The following CDK17 variants were observed in gnomAD, a reference collection of about 807,000 sequenced individuals.
CDK17 encodes cyclin-dependent kinase 17.
Under a neutral mutation model 77.6 loss-of-function variants are expected in CDK17, and 24 were observed. The observed-to-expected ratio is 0.31, with a 90% CI of 0.22 to 0.44. The LOEUF is 0.44. Ranked by LOEUF, CDK17 falls within the 20% of genes least tolerant of loss-of-function variation. CDK17 has a pLI of 1.00. For synonymous variants in CDK17, 203 were observed against 210.4 expected, an observed-to-expected ratio of 0.96 and a Z score of 0.30; for missense variants, 429 against 622.5, an observed-to-expected ratio of 0.69 and a Z score of 3.31.
intron 1 of CDK17, among the ~76,000 whole-genome samples, chr12:96,379,395 CA>C (rs1297838613): frequency 6.6e-6 from 1 of 151,950 alleles, no homozygotes. Flanking sequence ...TATAGTTAAA[CA>C]AAAGCATCTA....
chr12:96,371,834 T>C (rs1305171173), intron 1 of CDK17, among the ~76,000 whole-genome samples: 1 of 152,252 alleles, frequency 6.6e-6, no homozygotes, highest in Non-Finnish European at 1.5e-5. Context: ...GTATTATGTA[T>C]TGCCTCTTAT....
chr12:96,300,957 A>G (rs1268331203), intron 5 of CDK17, among the ~76,000 whole-genome samples: 1 of 152,212 alleles, frequency 6.6e-6, no homozygotes, highest in African/African-American at 2.4e-5. Flanking sequence ...AAGATACCAC[A>G]GGCATTTTAA....
chr12:96,337,493 C>T (rs955641898), intron 1 of CDK17, among the ~76,000 whole-genome samples: 1 of 152,168 alleles, frequency 6.6e-6, no homozygotes, highest in South Asian at 2.1e-4. Context: ...TAGTCTGTTA[C>T]AAGTTACTCC....
At position 96,286,656 on chromosome 12, in the gene CDK17, T is replaced by G; in HGVS notation, c.1216+8A>C. Reference sequence around the variant, plus strand: ...GCAAAATCACTGGGAAAAGATTTCTTCTGTTACCTAGCAGTCGGAAAATTA... The same window carrying G: ...GCAAAATCACTGGGAAAAGATTTCTGCTGTTACCTAGCAGTCGGAAAATTA... On this transcript the variant is annotated splice_region_variant and intron_variant, in intron 12 of 16. Transcript: ENST00000261211. The G allele has an allele frequency of 1.2e-6, 2 of 1,602,902 alleles. No homozygotes were observed. The highest frequency in any genetic ancestry group is 1.7e-6 in the Non-Finnish European group (2 of 1,170,082).
chr12:96,284,497 G>A (rs1255223732), intron 13 of CDK17: 3 of 150,488 alleles, frequency 2.0e-5, no homozygotes, highest in Non-Finnish European at 4.4e-5. Flanking sequence ...CATCAATAAG[G>A]GATATAAAAC....
rs926852825 is a variant in CDK17 at position 96,400,368 on chromosome 12, G to A, written c.-412C>T. ...GCGGCTCTGCGGCGGCCCGCGGGGA[G>A]CTCAGGAGACTGCGGGCGGCCGCGT... On this transcript the variant is annotated 5_prime_UTR_variant, in exon 1 of 17. Coordinates refer to ENST00000261211, the MANE Select transcript of CDK17 (RefSeq NM_002595.5). 1.0e-5 allele frequency: 4 copies of A among 385,960 alleles called. No homozygotes were observed. Among genetic ancestry groups the A allele is most frequent in the Middle Eastern group, 1.3e-3 (2 of 1,514 alleles). 23.9% of individuals were successfully genotyped at this position (385,960 alleles called of 1,614,324 possible). A position where few individuals can be genotyped will look rare whatever the true frequency, so the allele number is the denominator to read the frequency against.
intron 1 of CDK17, among the ~76,000 whole-genome samples, chr12:96,390,995 G>A (rs1008694483): frequency 6.6e-6 from 1 of 150,382 alleles, no homozygotes; most frequent in Non-Finnish European, 1.5e-5. Context: ...GCTGAGACAG[G>A]AGAATTTACT....
At chr12:96,305,840 CTACT>C (rs1952570089) in intron 5 of CDK17, among the ~76,000 whole-genome samples, 1 of 152,086 alleles carries the variant, frequency 6.6e-6, no homozygotes, top group African/African-American at 2.4e-5. Flanking sequence ...CACCTCCTAC[CTACT>C]GAGTAGCTGG....
intron 1 of CDK17, among the ~76,000 whole-genome samples, chr12:96,336,036 G>T (rs1264923220): frequency 1.3e-5 from 2 of 152,102 alleles, no homozygotes; most frequent in Non-Finnish European, 2.9e-5. Context: ...CTAAGTAACT[G>T]AGTTTACTGA....
chr12:96,340,006 T>G (rs1011350255), intron 1 of CDK17, among the ~76,000 whole-genome samples: 3 of 152,060 alleles, frequency 2.0e-5, no homozygotes, highest in African/African-American at 7.2e-5. Context: ...AAATTAACTC[T>G]GCCTTTTAAA....
rs552653528 is a variant in CDK17, at chr12:96,379,431, A to G, written c.-30+20555T>C. 9.4e-5 allele frequency among the ~76,000 whole-genome samples: 14 copies of G among 148,922 alleles called. No homozygotes were observed. The South Asian group carries it at 3.0e-3, about 32-fold the overall frequency. ...ATCATTTCTATATTTTTTAAATCTA[A>G]TTTTTTTTTTTGAGACAGGGTCTCA... On this transcript the variant is annotated intron_variant, in intron 1 of 16. Transcript: ENST00000261211.
intron 2 of CDK17, among the ~76,000 whole-genome samples, chr12:96,330,905 AACTTTTTG>A (rs1356244206): frequency 6.6e-6 from 1 of 152,154 alleles, no homozygotes; most frequent in Admixed American, 6.6e-5. Context: ...GTCTATGTTT[AACTTTTTG>A]AAGAACTGAG....
chr12:96,345,327 C>T (rs1203220207), intron 1 of CDK17, among the ~76,000 whole-genome samples: 1 of 152,136 alleles, frequency 6.6e-6, no homozygotes. Flanking sequence ...GATTTATATT[C>T]CTTTGGGTAT....
At chr12:96,387,022 A>G in intron 1 of CDK17, 1 of 317,450 alleles carries the variant, frequency 3.2e-6, no homozygotes, top group Non-Finnish European at 6.3e-6. Context: ...TTACTTCCTC[A>G]AATTTGTGTT....
chr12:96,300,373 C>G lies in CDK17; in HGVS notation c.544-13G>C, dbSNP rs769177422. On this transcript the variant is annotated splice_polypyrimidine_tract_variant and intron_variant, in intron 5 of 16. Coordinates refer to ENST00000261211, the MANE Select transcript of CDK17 (RefSeq NM_002595.5). ...AGCCAATTTCTGACTGAAAAGTAAA[C>G]AATGAAAAATGTAGTATTTACTTTT... is the stretch of plus-strand genomic sequence containing the variant. 6.9e-7 allele frequency: 1 copy of G among 1,443,058 alleles called. No individual in the cohort carries two copies. Among genetic ancestry groups the G allele is most frequent in the South Asian group, 1.2e-5 (1 of 81,594 alleles). The allele number at this position is 1,443,058 out of a possible 1,614,324, so 89.4% of individuals were successfully genotyped here.
At chr12:96,344,291 C>T (rs7134589) in intron 1 of CDK17, among the ~76,000 whole-genome samples, 67,532 of 151,896 alleles carry the variant, frequency 0.44, 15,601 homozygotes, top group East Asian at 0.84. Context: ...GAAGAAATAA[C>T]GGTGAAAAGC....
intron 1 of CDK17, among the ~76,000 whole-genome samples, chr12:96,366,817 T>C (rs1367640244): frequency 6.6e-6 from 1 of 152,190 alleles, no homozygotes; most frequent in Non-Finnish European, 1.5e-5. Flanking sequence ...CTCCTAAATA[T>C]CTGGATCTTT....
At chr12:96,316,115 G>A (rs369614219) in intron 3 of CDK17, among the ~76,000 whole-genome samples, 5 of 152,304 alleles carry the variant, frequency 3.3e-5, no homozygotes, top group East Asian at 3.9e-4. Flanking sequence ...TGCACTAGCC[G>A]AAGCAGGGCG....
chr12:96,398,868 A>G (rs754282917), intron 1 of CDK17, among the ~76,000 whole-genome samples: 4 of 152,184 alleles, frequency 2.6e-5, no homozygotes, highest in Non-Finnish European at 1.5e-5. Flanking sequence ...TCTTTGGTGG[A>G]CATATTCATG....
Sources: allele counts gnomAD v4.1 joint callset (sites outside exome capture counted in the v4.1 genomes callset), GRCh38; gene constraint gnomAD v4.1.1; transcripts MANE v1.5; gene names NCBI Gene and HGNC (gene_info 2026-07-23, HGNC 2026-07-21).